The following SPTSSB variants were observed in gnomAD, a reference collection of about 807,000 sequenced individuals.
SPTSSB encodes androgen down regulated in mouse prostate.
SPTSSB carries 6 observed loss-of-function variants against 7.7 expected under a neutral mutation model. The observed-to-expected ratio is 0.78, with a 90% CI of 0.43 to 1.54. SPTSSB has a LOEUF of 1.54. SPTSSB is among the 40% of genes most tolerant of loss of function. The pLI is 0.01. For missense variants in SPTSSB, 91 were observed against 93.0 expected, an observed-to-expected ratio of 0.98 and a Z score of 0.09; for synonymous variants, 28 against 29.7, an observed-to-expected ratio of 0.94 and a Z score of 0.19.
At chr3:161,357,462 A>T (rs533806093) in intron 2 of SPTSSB, among the ~76,000 whole-genome samples, 1 of 152,260 alleles carries the variant, frequency 6.6e-6, no homozygotes, top group Admixed American at 6.5e-5. Context: ...AGATAAAATG[A>T]TTTACTCCCT....
At chr3:161,348,909 G>T (rs1446042126) in intron 2 of SPTSSB, among the ~76,000 whole-genome samples, 2 of 152,144 alleles carry the variant, frequency 1.3e-5, no homozygotes, top group African/African-American at 4.8e-5. Context: ...TGAACCATCT[G>T]CTACAATCTA....
chr3:161,359,830 C>T lies in SPTSSB; in HGVS notation c.-61G>A. Reference sequence around the variant, plus strand: ...AGAAAGTCCAGGTCTGGTTCTTCAGCCTTGCTCCTTCACGAAATGATCCTG... The same window carrying T: ...AGAAAGTCCAGGTCTGGTTCTTCAGTCTTGCTCCTTCACGAAATGATCCTG... On this transcript the variant is annotated 5_prime_UTR_variant, in exon 2 of 3. Transcript: ENST00000620149. 1 of 983,786 alleles carries T rather than the reference C, an allele frequency of 1.0e-6. No homozygotes were observed. Among genetic ancestry groups the T allele is most frequent in the East Asian group, 1.1e-4 (1 of 8,802 alleles). 60.9% of individuals were successfully genotyped at this position (983,786 alleles called of 1,614,324 possible). A position where few individuals can be genotyped will look rare whatever the true frequency, so the allele number is the denominator to read the frequency against.
rs9826921 is a variant in SPTSSB, at chr3:161,365,720, T to C, written c.-126+5715A>G. 9.3e-3 allele frequency among the ~76,000 whole-genome samples: 1,423 copies of C among 152,326 alleles called. 35 individuals are homozygous for C. Among genetic ancestry groups the C allele is most frequent in the South Asian group, 0.014 (69 of 4,832 alleles). On this transcript the variant is annotated intron_variant, in intron 1 of 2. Transcript: ENST00000620149. ...TCTAACTTTATCTTTATTCTGAATA[T>C]TCTTAAACACTTTTCCTCTAAGCCT...
chr3:161,352,502 A>T (rs1166635921), intron 2 of SPTSSB, among the ~76,000 whole-genome samples: 1 of 152,234 alleles, frequency 6.6e-6, no homozygotes, highest in Admixed American at 6.5e-5. Context: ...AGTTATGCAC[A>T]GTCTGTTTCC....
chr3:161,367,968 G>C (rs1386604771), intron 1 of SPTSSB, among the ~76,000 whole-genome samples: 2 of 152,178 alleles, frequency 1.3e-5, no homozygotes, highest in Non-Finnish European at 2.9e-5. Context: ...ACGAATTGAT[G>C]AGTCCAAAAA....
chr3:161,363,713 CT>C (rs1715104091), intron 1 of SPTSSB, among the ~76,000 whole-genome samples: 1 of 151,834 alleles, frequency 6.6e-6, no homozygotes, highest in Non-Finnish European at 1.5e-5. Flanking sequence ...GTATTTAATT[CT>C]GTATTCTGAT....
intron 1 of SPTSSB, among the ~76,000 whole-genome samples, chr3:161,362,510 G>T (rs890650459): frequency 6.6e-6 from 1 of 151,934 alleles, no homozygotes; most frequent in Non-Finnish European, 1.5e-5. Context: ...GATTATTTTA[G>T]ACTCATTCCC....
intron 2 of SPTSSB, among the ~76,000 whole-genome samples, chr3:161,356,421 G>T: frequency 6.6e-6 from 1 of 152,096 alleles, no homozygotes; most frequent in Non-Finnish European, 1.5e-5. Context: ...AATAATTTGA[G>T]GGTGAAAATG....
At chr3:161,356,133 C>T (rs747388340) in intron 2 of SPTSSB, among the ~76,000 whole-genome samples, 2 of 152,156 alleles carry the variant, frequency 1.3e-5, no homozygotes, top group Admixed American at 6.5e-5. Context: ...AAGAGCCAAA[C>T]CCCCAAGAAC....
intron 2 of SPTSSB, among the ~76,000 whole-genome samples, chr3:161,357,731 C>T (rs1361811037): frequency 6.6e-6 from 1 of 151,986 alleles, no homozygotes; most frequent in East Asian, 1.9e-4. Flanking sequence ...AAGAGAGACA[C>T]AGAGAAGGCC....
chr3:161,351,551 C>T (rs2108157014), intron 2 of SPTSSB, among the ~76,000 whole-genome samples: 1 of 152,124 alleles, frequency 6.6e-6, no homozygotes, highest in South Asian at 2.1e-4. Context: ...AGGAAAAATA[C>T]ATCTTACATT....
rs547836163 is a variant in SPTSSB, at chr3:161,360,235, T to C, written c.-125-341A>G. Among the ~76,000 whole-genome samples, 4 of 152,348 alleles carry C rather than the reference T, an allele frequency of 2.6e-5. No individual in the cohort carries two copies. The South Asian group carries it at 8.3e-4, about 32-fold the overall frequency. ...GGAGCAGACTGCTTTTGATCTGCTC[T>C]CTAATTCAGTTTTTGGGTGAGATTT... On this transcript the variant is annotated intron_variant, in intron 1 of 2. Coordinates refer to ENST00000620149, the MANE Select transcript of SPTSSB (RefSeq NM_001040100.2).
At chr3:161,350,070 C>G (rs919623931) in intron 2 of SPTSSB, among the ~76,000 whole-genome samples, 3 of 152,096 alleles carry the variant, frequency 2.0e-5, no homozygotes, top group African/African-American at 7.2e-5. Context: ...CATGTGGTAA[C>G]ACGAACACTG....
chr3:161,364,918 A>G (rs552926182), intron 1 of SPTSSB, among the ~76,000 whole-genome samples: 92 of 152,150 alleles, frequency 6.0e-4, no homozygotes, highest in African/African-American at 2.1e-3. Context: ...TTCTTGTTCA[A>G]TAGGCTATTT....
At chr3:161,355,546 T>C (rs564062920) in intron 2 of SPTSSB, among the ~76,000 whole-genome samples, 1 of 152,318 alleles carries the variant, frequency 6.6e-6, no homozygotes, top group African/African-American at 2.4e-5. Flanking sequence ...TTCTGGCACA[T>C]GCTACAACAT....
chr3:161,362,202 A>T (rs143716205), intron 1 of SPTSSB, among the ~76,000 whole-genome samples: 1 of 152,206 alleles, frequency 6.6e-6, no homozygotes, highest in East Asian at 1.9e-4. Context: ...AGTGAACCTA[A>T]ATCAATTTTA....
At chr3:161,356,991 AAAAAAT>A (rs1295476163) in intron 2 of SPTSSB, among the ~76,000 whole-genome samples, 1 of 152,178 alleles carries the variant, frequency 6.6e-6, no homozygotes, top group Non-Finnish European at 1.5e-5. Context: ...CAAAAAGAAA[AAAAAAT>A]AAAAATAAAA....
intron 2 of SPTSSB, among the ~76,000 whole-genome samples, chr3:161,351,106 T>C (rs997449520): frequency 3.9e-5 from 6 of 152,136 alleles, no homozygotes; most frequent in Non-Finnish European, 5.9e-5. Flanking sequence ...TTATGACTAA[T>C]TGTAATGTGG....
rs1201991886 is a variant in SPTSSB, at chr3:161,371,366, A to G, written c.-126+69T>C. On this transcript the variant is annotated intron_variant, in intron 1 of 2. Transcript: ENST00000620149. ...AGCTCAGTATTAATTTTTTCCTCCT[A>G]TAGAGACAGGAATTCTATCCTACTA... 8 of 957,946 alleles carry G rather than the reference A, an allele frequency of 8.4e-6. No individual in the cohort carries two copies. The Admixed American group carries it at 2.5e-4, about 29-fold the overall frequency. 59.3% of individuals were successfully genotyped at this position (957,946 alleles called of 1,614,324 possible). A position where few individuals can be genotyped will look rare whatever the true frequency, so the allele number is the denominator to read the frequency against.
Sources: gnomAD v4.1 joint callset for allele counts (sites outside exome capture counted in the v4.1 genomes callset) on GRCh38, gnomAD v4.1.1 for gene constraint, MANE v1.5 for transcripts, NCBI Gene and HGNC (gene_info 2026-07-23, HGNC 2026-07-21) for gene names.